The following SRGAP3 variants were observed in gnomAD, a reference collection of about 807,000 sequenced individuals.
The protein encoded by SRGAP3 is SLIT-ROBO Rho GTPase-activating protein 3.
Under a neutral mutation model 121.1 loss-of-function variants are expected in SRGAP3, and 39 were observed. That is an observed-to-expected ratio of 0.32 (90% confidence interval 0.25 to 0.42). SRGAP3 has a LOEUF of 0.42. Among genes scored for constraint, SRGAP3 ranks in the 10% least tolerant of loss-of-function variants. The pLI is 1.00. For synonymous variants in SRGAP3, 601 were observed against 570.0 expected, an observed-to-expected ratio of 1.05 and a Z score of -0.77; for missense variants, 1,213 against 1,470.6, an observed-to-expected ratio of 0.82 and a Z score of 2.86.
chr3:9,357,597 GAAAAA>G (rs978013543), intron 1 of SRGAP3, among the ~76,000 whole-genome samples: 1 of 92,610 alleles, frequency 1.1e-5, no homozygotes, highest in African/African-American at 3.5e-5. Flanking sequence ...GTATGTAAAA[GAAAAA>G]AAAAAAAAAA....
At chr3:9,350,210 T>C (rs2030045581) in intron 1 of SRGAP3, 1 of 152,260 alleles carries the variant, frequency 6.6e-6, no homozygotes, top group African/African-American at 2.4e-5. Flanking sequence ...AGTCAACACA[T>C]ATTCACTGCA....
Position 9,298,604 on chromosome 3 carries a change from A to G in SRGAP3, n.442+27406T>C, listed in dbSNP as rs531329849. ...AATCTTGTAACCATTTGACCAGTAC[A>G]ATGCAGAGGAAATGATGTCCTGGGA... On this transcript the variant is annotated intron_variant and non_coding_transcript_variant, in intron 3 of 3. Transcript: ENST00000490889. Among the ~76,000 whole-genome samples, 4 of 152,310 alleles carry G rather than the reference A, an allele frequency of 2.6e-5. No individual in the cohort carries two copies. In the South Asian group the frequency reaches 8.3e-4, roughly 32 times the overall value.
At chr3:9,174,521 C>T (rs1366772740) in intron 1 of SRGAP3, among the ~76,000 whole-genome samples, 1 of 152,080 alleles carries the variant, frequency 6.6e-6, no homozygotes, top group Non-Finnish European at 1.5e-5. Context: ...GGAGAAAAAC[C>T]ACCACCACCA....
At chr3:9,055,184 T>C (rs1945763106) in intron 8 of SRGAP3, among the ~76,000 whole-genome samples, 1 of 152,220 alleles carries the variant, frequency 6.6e-6, no homozygotes, top group African/African-American at 2.4e-5. Context: ...CTGCACTGAT[T>C]TGCTATCATC....
intron 10 of SRGAP3, among the ~76,000 whole-genome samples, chr3:9,046,287 G>C (rs148685741): frequency 1.5e-3 from 234 of 152,306 alleles, no homozygotes; most frequent in African/African-American, 5.2e-3. Flanking sequence ...GTAGAGTGTG[G>C]GGTGCTGACT....
At chr3:9,174,916 T>C (rs1340103897) in intron 1 of SRGAP3, among the ~76,000 whole-genome samples, 1 of 152,044 alleles carries the variant, frequency 6.6e-6, no homozygotes, top group Non-Finnish European at 1.5e-5. Flanking sequence ...ATGTGAGAAA[T>C]GGGAGCAGCT....
intron 1 of SRGAP3, among the ~76,000 whole-genome samples, chr3:9,243,353 C>A (rs191359203): frequency 7.2e-5 from 11 of 151,836 alleles, no homozygotes; most frequent in African/African-American, 2.7e-4. Flanking sequence ...AGGGATTGGT[C>A]GCCAGGCATG....
At chr3:9,340,660 G>A (rs1955770622) in intron 1 of SRGAP3, among the ~76,000 whole-genome samples, 1 of 149,472 alleles carries the variant, frequency 6.7e-6, no homozygotes, top group Non-Finnish European at 1.5e-5. Context: ...CCAACATCCA[G>A]TAGTTTTTTT....
intron 1 of SRGAP3, among the ~76,000 whole-genome samples, chr3:9,211,395 A>G (rs1300116464): frequency 6.6e-6 from 1 of 152,208 alleles, no homozygotes; most frequent in Non-Finnish European, 1.5e-5. Context: ...AGCTTCCCAA[A>G]CAAGCTATGA....
chr3:9,032,528 T>C, intron 12 of SRGAP3, 122 bp downstream of exon 12: 1 of 886,260 alleles, frequency 1.1e-6, no homozygotes, highest in Admixed American at 1.9e-5. Context: ...CAGGCTGCAG[T>C]GAGGAACTAG....
chr3:9,210,900 A>G (rs571049832), intron 1 of SRGAP3, among the ~76,000 whole-genome samples: 1 of 152,232 alleles, frequency 6.6e-6, no homozygotes, highest in Non-Finnish European at 1.5e-5. Flanking sequence ...TTTTTAAAGA[A>G]GCAAAATAGT....
At chr3:9,098,278 T>C (rs1948070460) in intron 3 of SRGAP3, among the ~76,000 whole-genome samples, 1 of 152,224 alleles carries the variant, frequency 6.6e-6, no homozygotes. Flanking sequence ...TACTTCACTT[T>C]GTTTTAATTA....
chr3:9,103,482 G>A (rs115389355), intron 3 of SRGAP3, among the ~76,000 whole-genome samples: 2,633 of 152,260 alleles, frequency 0.017, 44 homozygotes, highest in Admixed American at 0.023. Flanking sequence ...CACAAATGAG[G>A]AAACTGAGGC....
rs909259227 is a variant in SRGAP3 at position 9,060,288 on chromosome 3, T to A, written c.744A>T (p.Ala248=). 6.2e-7 allele frequency: 1 copy of A among 1,614,134 alleles called. No homozygotes were observed. The highest frequency in any genetic ancestry group is 8.5e-7 in the Non-Finnish European group (1 of 1,180,046). ...ATTTGCTTATAGCTGCGTTGGTGGC[T>A]GCCAGATTGAGCAAGTAGTCATTCC... is the stretch of plus-strand genomic sequence containing the variant. ...KARNDYLLNL[A]ATNAAISKYY... The change falls in exon 6 of 22, where the codon GCA becomes GCT. Residue 248 remains alanine, a synonymous_variant. Coordinates refer to ENST00000383836, the MANE Select transcript of SRGAP3 (RefSeq NM_014850.4).
intron 1 of SRGAP3, among the ~76,000 whole-genome samples, chr3:9,194,730 C>G (rs1951867489): frequency 6.6e-6 from 1 of 152,234 alleles, no homozygotes; most frequent in Non-Finnish European, 1.5e-5. Flanking sequence ...CTCCAGGCTT[C>G]TATTGTTCTT....
intron 5 of SRGAP3, 129 bp from the exon 6 acceptor site, chr3:9,060,488 G>T: frequency 8.0e-7 from 1 of 1,253,600 alleles, no homozygotes; most frequent in Non-Finnish European, 1.1e-6. Flanking sequence ...GTGCAGTGGT[G>T]TGATCATAGC....
At chr3:9,262,102 G>A (rs926549148) in intron 3 of SRGAP3, among the ~76,000 whole-genome samples, 1 of 152,046 alleles carries the variant, frequency 6.6e-6, no homozygotes, top group African/African-American at 2.4e-5. Context: ...TTCATATCCA[G>A]CCAAACTAAG....
chr3:9,337,704 T>C (rs1955715389), intron 1 of SRGAP3: 1 of 152,230 alleles, frequency 6.6e-6, no homozygotes, highest in Non-Finnish European at 1.5e-5. Flanking sequence ...ATTTCAATTA[T>C]TTACAAGTTA....
At chr3:9,016,384 T>C (rs1288193242) in intron 14 of SRGAP3, among the ~76,000 whole-genome samples, 3 of 152,094 alleles carry the variant, frequency 2.0e-5, no homozygotes, top group African/African-American at 7.2e-5. Flanking sequence ...CCCTGGCCAG[T>C]TGTCTTGTAG....
Sources: allele counts gnomAD v4.1 joint callset (sites outside exome capture counted in the v4.1 genomes callset), GRCh38; gene constraint gnomAD v4.1.1; transcripts MANE v1.5; gene names NCBI Gene and HGNC (gene_info 2026-07-23, HGNC 2026-07-21).